The following LARP6 variants were observed in gnomAD, a reference collection of about 807,000 sequenced individuals.
LARP6 encodes the protein la-related protein 6.
In LARP6, 18 loss-of-function variants were observed where a neutral mutation model predicts 32.8. The observed-to-expected ratio is 0.55, with a 90% CI of 0.38 to 0.81. The LOEUF (loss-of-function observed/expected upper bound fraction) is 0.81. Ranked by LOEUF, LARP6 falls within the 40% of genes least tolerant of loss-of-function variation. LARP6 has a pLI of 0.00. For synonymous variants in LARP6, 289 were observed against 267.2 expected (o/e 1.08, Z -0.80); for missense variants, 598 against 663.1 (o/e 0.90, Z 1.08).
intron 1 of LARP6, among the ~76,000 whole-genome samples, chr15:70,848,453 C>T (rs1033784535): frequency 6.6e-6 from 1 of 152,110 alleles, no homozygotes; most frequent in Non-Finnish European, 1.5e-5. Context: ...AAGCAGAGGC[C>T]AGGCGTGGTG....
chr15:70,845,367 G>A (rs941248205), intron 1 of LARP6, among the ~76,000 whole-genome samples: 1 of 152,130 alleles, frequency 6.6e-6, no homozygotes, highest in African/African-American at 2.4e-5. Context: ...AAGAAGTACT[G>A]GTTAGGTATT....
At chr15:70,850,260 T>C (rs1376098321) in intron 1 of LARP6, among the ~76,000 whole-genome samples, 2 of 152,234 alleles carry the variant, frequency 1.3e-5, no homozygotes, top group African/African-American at 2.4e-5. Context: ...ATGGCTTCAT[T>C]GCTGAATTCT....
chr15:70,845,951 T>C (rs1249676893), intron 1 of LARP6, among the ~76,000 whole-genome samples: 1 of 152,244 alleles, frequency 6.6e-6, no homozygotes, highest in African/African-American at 2.4e-5. Flanking sequence ...TCAATTCCTT[T>C]AGAAAATAAT....
intron 1 of LARP6, chr15:70,848,791 A>C (rs2032393781): frequency 6.6e-6 from 1 of 152,162 alleles, no homozygotes; most frequent in Non-Finnish European, 1.5e-5. Context: ...GACAGCCTGT[A>C]CAATGTCCCA....
At chr15:70,841,682 C>A (rs2032261804) in intron 1 of LARP6, among the ~76,000 whole-genome samples, 1 of 151,910 alleles carries the variant, frequency 6.6e-6, no homozygotes, top group African/African-American at 2.4e-5. Flanking sequence ...CTCCCTCCCA[C>A]CCCCACCATC....
At chr15:70,849,923 C>CT (rs200462400) in intron 1 of LARP6, among the ~76,000 whole-genome samples, 134 of 151,966 alleles carry the variant, frequency 8.8e-4, no homozygotes, top group Non-Finnish European at 1.2e-3. Context: ...TGAGACAAAG[C>CT]TTTTTTTAAA....
At position 70,833,109 on chromosome 15, in the gene LARP6, T is replaced by C. The variant is rs2032086350; in HGVS notation, c.419A>G (p.His140Arg). 1 of 1,613,710 alleles carries C rather than the reference T, an allele frequency of 6.2e-7. No individual in the cohort carries two copies. Among genetic ancestry groups the C allele is most frequent in the African/African-American group, 1.3e-5 (1 of 74,896 alleles). The stretch of plus-strand genomic sequence containing the variant: ...TGTGGTTCTCCAGTCCCGTGTAAGA[T>C]GTTTCACCTGCAGAACATAAAGCAA... Reference protein sequence around the residue: ...KLLTSFKKVKHLTRDWRTTAH... With the variant: ...KLLTSFKKVKRLTRDWRTTAH... The change falls in exon 3 of 3, where the codon CAT (histidine) becomes CGT (arginine). Residue 140 changes from histidine (H) to arginine (R), a missense_variant. Physicochemically the swap from His to Arg is conservative, Grantham distance 29. Around this residue, in one of 3 missense-constraint regions of LARP6, gnomAD observed 69 missense variants for 116.7 expected, o/e 0.59. Coordinates refer to ENST00000299213, the MANE Select transcript of LARP6 (RefSeq NM_018357.4).
At chr15:70,840,982 C>T (rs1359931354) in intron 1 of LARP6, among the ~76,000 whole-genome samples, 2 of 149,876 alleles carry the variant, frequency 1.3e-5, no homozygotes, top group Non-Finnish European at 1.5e-5. Context: ...GGCACTGTCT[C>T]GGCTCACTGC....
Sources: allele counts gnomAD v4.1 joint callset (sites outside exome capture counted in the v4.1 genomes callset), GRCh38; gene constraint gnomAD v4.1.1; regional missense constraint gnomAD v4.1.1; transcripts MANE v1.5; gene names NCBI Gene and HGNC (gene_info 2026-07-23, HGNC 2026-07-21).